PSMA1: variants seen among roughly 807,000 people sequenced by gnomAD.
PSMA1 encodes the protein proteasome 20S subunit alpha 1, also known as proteasome subunit alpha type-1.
Under a neutral mutation model 38.4 loss-of-function variants are expected in PSMA1, and 3 were observed. The ratio of observed to expected loss-of-function variants is 0.08; its 90% CI spans 0.04 to 0.20. The LOEUF (loss-of-function observed/expected upper bound fraction) is 0.20, where lower values mean the gene tolerates loss of function less well. Ranked by LOEUF, PSMA1 falls within the 10% of genes least tolerant of loss-of-function variation. The pLI is 1.00. For missense variants in PSMA1, 227 were observed against 325.3 expected (o/e 0.70, Z 2.32); for synonymous variants, 101 against 107.1 (o/e 0.94, Z 0.35).
At chr11:14,643,651 G>C (rs1164315247), upstream of PSMA1, 1 of 150,560 alleles carries the variant, frequency 6.6e-6, no homozygotes, top group Non-Finnish European at 1.5e-5. Flanking sequence ...GGGTGGCGGC[G>C]GGACAAGTCG....
rs542455506 is a variant in PSMA1, at chr11:14,545,255, A to T, written c.22-26214T>A. On this transcript the variant is annotated intron_variant, in intron 2 of 10. Transcript: ENST00000418988. ...TTGAAATGCAGTTATCAAAATATTAAAAACAAATTTGGGATATAGTGATAC... is the reference window on the plus strand; with the variant it reads ...TTGAAATGCAGTTATCAAAATATTATAAACAAATTTGGGATATAGTGATAC... 3.3e-5 allele frequency among the ~76,000 whole-genome samples: 5 copies of T among 152,378 alleles called. No homozygotes were observed. The South Asian group carries it at 1.0e-3, about 32-fold the overall frequency.
At chr11:14,529,661 A>C (rs928054388) in intron 2 of PSMA1, among the ~76,000 whole-genome samples, 1 of 152,350 alleles carries the variant, frequency 6.6e-6, no homozygotes, top group South Asian at 2.1e-4. Context: ...TTGTAACTTT[A>C]TGCGTGCGTT....
chr11:14,598,574 C>CTTTT (rs3053229), intron 2 of PSMA1, among the ~76,000 whole-genome samples: 2,281 of 144,288 alleles, frequency 0.016, 56 homozygotes, highest in African/African-American at 0.056. Context: ...GCAACCCCTG[C>CTTTT]TTTTTTTTTT....
intron 2 of PSMA1, among the ~76,000 whole-genome samples, chr11:14,529,583 T>C (rs1348049119): frequency 6.6e-6 from 1 of 152,208 alleles, no homozygotes. Flanking sequence ...CATTCTTAAC[T>C]TGGCTACTAC....
chr11:14,629,485 C>T (rs571554145), intron 1 of PSMA1, among the ~76,000 whole-genome samples: 17,954 of 150,788 alleles, frequency 0.12, 1,346 homozygotes, highest in African/African-American at 0.22. Context: ...TGTAGATATG[C>T]GGTGTTATTT....
intron 1 of PSMA1, among the ~76,000 whole-genome samples, chr11:14,625,025 C>T (rs1683863701): frequency 6.6e-6 from 1 of 152,222 alleles, no homozygotes. Context: ...TCCAGTTCAT[C>T]TCACTAACTT....
chr11:14,633,922 T>C (rs1853074726), intron 1 of PSMA1, among the ~76,000 whole-genome samples: 1 of 152,182 alleles, frequency 6.6e-6, no homozygotes. Flanking sequence ...CTGTCACCCC[T>C]TTCTTTGACT....
At chr11:14,558,765 G>T (rs1281060046) in intron 2 of PSMA1, among the ~76,000 whole-genome samples, 1 of 152,236 alleles carries the variant, frequency 6.6e-6, no homozygotes, top group Non-Finnish European at 1.5e-5. Flanking sequence ...AGGGGGCTAG[G>T]TTGTGGTTTC....
chr11:14,617,692 T>C (rs1852791774), intron 1 of PSMA1, among the ~76,000 whole-genome samples: 1 of 146,702 alleles, frequency 6.8e-6, no homozygotes, highest in Non-Finnish European at 1.5e-5. Context: ...TACGTATATA[T>C]ATATATGTGT....
At chr11:14,617,178 C>A (rs1852783619) in intron 1 of PSMA1, among the ~76,000 whole-genome samples, 1 of 152,066 alleles carries the variant, frequency 6.6e-6, no homozygotes, top group Non-Finnish European at 1.5e-5. Flanking sequence ...AGTAATTTCT[C>A]CTTCTCTGGG....
At chr11:14,643,182 C>A (rs1286306931) in intron 1 of PSMA1, among the ~76,000 whole-genome samples, 1 of 151,686 alleles carries the variant, frequency 6.6e-6, no homozygotes, top group Non-Finnish European at 1.5e-5. Context: ...CCTGGGCCTG[C>A]TGCGTGGCCC....
intron 1 of PSMA1, among the ~76,000 whole-genome samples, chr11:14,631,903 C>T (rs1853019485): frequency 1.4e-5 from 2 of 145,704 alleles, no homozygotes; most frequent in East Asian, 2.0e-4. Context: ...TTGAATTGAT[C>T]CCTTTACCAT....
At chr11:14,613,029 C>G (rs1414390860) in intron 1 of PSMA1, among the ~76,000 whole-genome samples, 1 of 152,062 alleles carries the variant, frequency 6.6e-6, no homozygotes, top group Non-Finnish European at 1.5e-5. Context: ...GTATTAATGA[C>G]TCATTCCAAA....
chr11:14,549,364 T>C (rs771771247), intron 2 of PSMA1, among the ~76,000 whole-genome samples: 1 of 152,150 alleles, frequency 6.6e-6, no homozygotes, highest in African/African-American at 2.4e-5. Context: ...CCCCATTATA[T>C]GCAATCTGAT....
At chr11:14,643,475 C>T (rs1262629276) in exon 1 of PSMA1, 4 of 152,338 alleles carry the variant, frequency 2.6e-5, no homozygotes, top group African/African-American at 4.8e-5. Flanking sequence ...AACCTGCACG[C>T]CTGGGGTCCC....
At chr11:14,560,482 TG>T (rs2134172845) in intron 2 of PSMA1, among the ~76,000 whole-genome samples, 1 of 152,310 alleles carries the variant, frequency 6.6e-6, no homozygotes, top group Non-Finnish European at 1.5e-5. Flanking sequence ...TCTTGGGCCA[TG>T]GCTGCTGCTC....
intron 2 of PSMA1, among the ~76,000 whole-genome samples, chr11:14,597,214 T>C (rs1219458408): frequency 1.3e-5 from 2 of 152,222 alleles, no homozygotes; most frequent in African/African-American, 2.4e-5. Flanking sequence ...ACTTTTTTTG[T>C]TGTGTCTGTG....
At chr11:14,589,598 A>G (rs774392715) in intron 2 of PSMA1, among the ~76,000 whole-genome samples, 2 of 152,044 alleles carry the variant, frequency 1.3e-5, no homozygotes, top group Non-Finnish European at 2.9e-5. Flanking sequence ...CGTGCTTCAG[A>G]AGGAATGTGT....
chr11:14,545,836 C>T (rs1851819993), intron 2 of PSMA1, among the ~76,000 whole-genome samples: 2 of 152,138 alleles, frequency 1.3e-5, no homozygotes, highest in Admixed American at 6.5e-5. Flanking sequence ...TTCTTGTCTA[C>T]ATTAATAATT....
Sources: gnomAD v4.1 joint callset for allele counts (sites outside exome capture counted in the v4.1 genomes callset) on GRCh38, gnomAD v4.1.1 for gene constraint, MANE v1.5 for transcripts, NCBI Gene and HGNC (gene_info 2026-07-23, HGNC 2026-07-21) for gene names.